The following ITCH variants were observed in gnomAD, a reference collection of about 807,000 sequenced individuals.
The protein encoded by ITCH is itchy E3 ubiquitin protein ligase.
A neutral mutation model predicts 126.8 loss-of-function variants in ITCH; 28 were observed. The ratio of observed to expected loss-of-function variants is 0.22; its 90% confidence interval spans 0.16 to 0.30. The LOEUF is 0.30. Among genes scored for constraint, ITCH ranks in the 10% least tolerant of loss-of-function variants. The pLI, the probability that ITCH is intolerant of heterozygous loss-of-function variation, is 1.00. For missense variants in ITCH, 631 were observed against 1,032.4 expected (o/e 0.61, Z 5.33); for synonymous variants, 342 against 340.0 (o/e 1.01, Z -0.06).
rs1033648554 is a variant in ITCH, at chr20:34,428,860, A to G, written c.521+4335A>G. ...AGGTCAGATGTATATGTATGTTGAA[A>G]TTAGCAGATGTTTGTAAGATTGTGG... On this transcript the variant is annotated intron_variant, in intron 7 of 24. Coordinates refer to ENST00000374864, the MANE Select transcript of ITCH (RefSeq NM_031483.7). 2.6e-5 allele frequency among the ~76,000 whole-genome samples: 4 copies of G among 152,336 alleles called. No homozygotes were observed. The South Asian group carries it at 6.2e-4, about 24-fold the overall frequency.
At chr20:34,462,768 A>G (rs890504470) in intron 14 of ITCH, among the ~76,000 whole-genome samples, 1 of 152,200 alleles carries the variant, frequency 6.6e-6, no homozygotes, top group Middle Eastern at 3.2e-3. Context: ...TTAAACAATA[A>G]CTTTAGCAGA....
At chr20:34,371,208 A>AAATAGAACT (rs1015156878) in intron 2 of ITCH, among the ~76,000 whole-genome samples, 1 of 151,810 alleles carries the variant, frequency 6.6e-6, no homozygotes, top group Non-Finnish European at 1.5e-5. Context: ...GATACTGGTA[A>AAATAGAACT]AATAGAACTA....
intron 7 of ITCH, among the ~76,000 whole-genome samples, chr20:34,431,164 G>T (rs919956275): frequency 2.6e-5 from 4 of 152,166 alleles, no homozygotes; most frequent in Non-Finnish European, 5.9e-5. Context: ...TATAATCCCA[G>T]TGCTTTTTGG....
intron 5 of ITCH, 29 bp downstream of exon 5, chr20:34,412,668 A>C (rs1355569823): frequency 6.3e-7 from 1 of 1,582,438 alleles, no homozygotes; most frequent in East Asian, 2.2e-5. Context: ...TAGAAATTGC[A>C]CTTAGCTGTT....
chr20:34,465,427 G>A lies in ITCH; in HGVS notation c.1424+3206G>A, dbSNP rs938065188. 3.9e-5 allele frequency among the ~76,000 whole-genome samples: 6 copies of A among 152,012 alleles called. No individual in the cohort carries two copies. The East Asian group carries it at 1.2e-3, about 29-fold the overall frequency. On this transcript the variant is annotated intron_variant, in intron 14 of 24. Transcript: ENST00000374864. ...ATTTCTGAAAAAAAGAAGTCATTTG[G>A]ATTTTGATAGGGGATTTTATTGAAT...
intron 12 of ITCH, chr20:34,451,023 T>A (rs1015365627): frequency 4.6e-5 from 7 of 152,214 alleles, no homozygotes; most frequent in Non-Finnish European, 7.3e-5. Context: ...TGCAGTGACT[T>A]ACACTTATAA....
chr20:34,375,980 A>G (rs2037829537), intron 2 of ITCH, among the ~76,000 whole-genome samples: 1 of 152,162 alleles, frequency 6.6e-6, no homozygotes, highest in Admixed American at 6.6e-5. Flanking sequence ...CCATGTGCAG[A>G]CTGAACATCT....
chr20:34,445,492 A>C (rs1357899629), intron 11 of ITCH, 31 bp downstream of exon 11: 1 of 1,607,100 alleles, frequency 6.2e-7, no homozygotes, highest in African/African-American at 1.3e-5. Flanking sequence ...TAAACTAATA[A>C]GAGTATTTTG....
chr20:34,476,334 C>T (rs1027206105), intron 16 of ITCH: 29 of 1,260,918 alleles, frequency 2.3e-5, no homozygotes, highest in Admixed American at 4.0e-5. Flanking sequence ...GGCTCGCCTC[C>T]GCGCTCCGGC....
At chr20:34,495,291 T>TAA (rs1345021928) in intron 23 of ITCH, among the ~76,000 whole-genome samples, 6 of 126,964 alleles carry the variant, frequency 4.7e-5, no homozygotes, top group Non-Finnish European at 9.8e-5. Flanking sequence ...AATAAATAAA[T>TAA]AAAATATATA....
chr20:34,387,446 T>C (rs967042335), intron 2 of ITCH, among the ~76,000 whole-genome samples: 2 of 151,882 alleles, frequency 1.3e-5, no homozygotes, highest in African/African-American at 4.8e-5. Flanking sequence ...GCCCGGGCAA[T>C]ATAGTGAGAC....
intron 6 of ITCH, among the ~76,000 whole-genome samples, chr20:34,424,273 G>C (rs909762465): frequency 6.6e-6 from 1 of 152,102 alleles, no homozygotes; most frequent in Admixed American, 6.5e-5. Flanking sequence ...TAATTATTAA[G>C]CATTTGCACA....
intron 23 of ITCH, among the ~76,000 whole-genome samples, chr20:34,499,532 T>C (rs1285872410): frequency 1.3e-5 from 2 of 151,844 alleles, no homozygotes; most frequent in African/African-American, 4.8e-5. Flanking sequence ...GTGGTGTCAG[T>C]TGTAATGTCT....
intron 5 of ITCH, among the ~76,000 whole-genome samples, chr20:34,413,484 G>T (rs62212175): frequency 0.014 from 2,154 of 152,074 alleles, 24 homozygotes; most frequent in Middle Eastern, 0.034. Flanking sequence ...TACAAGGATG[G>T]AATGAACATA....
intron 23 of ITCH, among the ~76,000 whole-genome samples, chr20:34,497,775 C>T (rs775546114): frequency 4.6e-5 from 7 of 152,130 alleles, no homozygotes; most frequent in Non-Finnish European, 1.0e-4. Flanking sequence ...GATGGCATTT[C>T]GCCATGTGAC....
chr20:34,442,138 G>T, intron 9 of ITCH, 70 bp from the exon 10 acceptor site: 2 of 1,076,180 alleles, frequency 1.9e-6, no homozygotes, highest in Non-Finnish European at 2.9e-6. Flanking sequence ...TAATGGAAAT[G>T]CAAAGACAGG....
At chr20:34,406,090 C>T (rs182830408) in intron 3 of ITCH, among the ~76,000 whole-genome samples, 140 of 151,816 alleles carry the variant, frequency 9.2e-4, no homozygotes, top group African/African-American at 3.0e-3. Context: ...GGTGCAATCA[C>T]AGCTCACTGC....
In ITCH at chr20:34,474,737, C is replaced by T. The variant is rs1257851237; in HGVS notation, c.1570-3035C>T. On this transcript the variant is annotated intron_variant, in intron 16 of 24. Transcript: ENST00000374864. ...GGGGCTCCTCACTTCCCAGTAGGGG[C>T]GGCCGGGCAGAGGCACCCCGCACCT... Among the ~76,000 whole-genome samples, 7 of 151,712 alleles carry T rather than the reference C, an allele frequency of 4.6e-5. No individual in the cohort carries two copies. In the South Asian group the frequency reaches 1.3e-3, roughly 27 times the overall value.
At chr20:34,413,678 A>G (rs1979384943) in intron 5 of ITCH, 64 bp from the exon 6 acceptor site, 66 of 1,406,006 alleles carry the variant, frequency 4.7e-5, no homozygotes, top group Non-Finnish European at 6.5e-5. Flanking sequence ...TTAATTTTTA[A>G]CAGTTAAGAT....
Sources: gnomAD v4.1 joint callset for allele counts (sites outside exome capture counted in the v4.1 genomes callset) on GRCh38, gnomAD v4.1.1 for gene constraint, MANE v1.5 for transcripts, NCBI Gene and HGNC (gene_info 2026-07-23, HGNC 2026-07-21) for gene names.